Variants in AFG2A observed in about 807,000 individuals in gnomAD.
The protein encoded by AFG2A is AAA ATPase AFG2A.
At chr4:122,927,588 C>A in the AFG2A span, 1 of 1,566,686 alleles carries the variant, frequency 6.4e-7, no homozygotes, top group Non-Finnish European at 8.7e-7. Flanking sequence ...CATGCCTTAA[C>A]TTCTGTTACA....
chr4:123,296,525 C>A, the AFG2A span, among the ~76,000 whole-genome samples: 1 of 152,060 alleles, frequency 6.6e-6, no homozygotes, highest in Non-Finnish European at 1.5e-5. Context: ...TTTAATGTGG[C>A]ATAAAAGTGT....
At chr4:123,227,686 G>T in the AFG2A span, among the ~76,000 whole-genome samples, 16,792 of 151,996 alleles carry the variant, frequency 0.11, 3,134 homozygotes, top group African/African-American at 0.38. Context: ...ATGTATATTC[G>T]GTTGATTTGA....
At chr4:123,224,841 C>CAT in the AFG2A span, among the ~76,000 whole-genome samples, 3 of 152,034 alleles carry the variant, frequency 2.0e-5, no homozygotes, top group Non-Finnish European at 2.9e-5. Flanking sequence ...TGTAAAAGTG[C>CAT]TCCTATTTCT....
the AFG2A span, among the ~76,000 whole-genome samples, chr4:122,984,335 T>C: frequency 6.6e-6 from 1 of 152,144 alleles, no homozygotes. Context: ...CTTTCAACAG[T>C]TCTAGGAGCT....
the AFG2A span, among the ~76,000 whole-genome samples, chr4:123,060,553 C>T: frequency 6.6e-6 from 1 of 152,196 alleles, no homozygotes; most frequent in Admixed American, 6.5e-5. Flanking sequence ...TGTACCTTGA[C>T]CCCTTTTAGC....
At chr4:123,275,594 C>G in the AFG2A span, among the ~76,000 whole-genome samples, 6 of 152,138 alleles carry the variant, frequency 3.9e-5, no homozygotes, top group African/African-American at 1.4e-4. Flanking sequence ...TTTCATCATG[C>G]AGGTAATAAT....
At chr4:123,314,858 C>G in the AFG2A span, 8 of 151,002 alleles carry the variant, frequency 5.3e-5, no homozygotes, top group African/African-American at 2.0e-4. Flanking sequence ...TGAGTTCAAG[C>G]AATTCTCCTG....
the AFG2A span, among the ~76,000 whole-genome samples, chr4:123,286,286 T>C: frequency 6.6e-6 from 1 of 152,238 alleles, no homozygotes; most frequent in Non-Finnish European, 1.5e-5. Flanking sequence ...TTTGTCACTC[T>C]AAAACTTGAA....
chr4:123,302,918 G>T, the AFG2A span, among the ~76,000 whole-genome samples: 1 of 152,164 alleles, frequency 6.6e-6, no homozygotes, highest in Non-Finnish European at 1.5e-5. Context: ...CTTGTTCCAT[G>T]AAAGCAAGAC....
the AFG2A span, among the ~76,000 whole-genome samples, chr4:123,133,049 G>T: frequency 1.3e-5 from 2 of 152,170 alleles, no homozygotes; most frequent in East Asian, 1.9e-4. Context: ...CAAAGTGCTG[G>T]GATTACAGGC....
At chr4:123,188,768 T>C in the AFG2A span, among the ~76,000 whole-genome samples, 2 of 152,236 alleles carry the variant, frequency 1.3e-5, no homozygotes, top group African/African-American at 4.8e-5. Context: ...CATAAAAGGA[T>C]AGAATCATGA....
chr4:122,932,459 C>G, the AFG2A span, among the ~76,000 whole-genome samples: 1 of 152,070 alleles, frequency 6.6e-6, no homozygotes, highest in Non-Finnish European at 1.5e-5. Flanking sequence ...TCCCAAAGTG[C>G]TGGGATTACA....
At chr4:123,017,742 A>G in the AFG2A span, among the ~76,000 whole-genome samples, 8 of 152,060 alleles carry the variant, frequency 5.3e-5, no homozygotes, top group African/African-American at 1.2e-4. Flanking sequence ...TGCCAGCCCA[A>G]TTGTGACTGC....
the AFG2A span, among the ~76,000 whole-genome samples, chr4:123,109,798 G>A: frequency 3.3e-5 from 5 of 152,040 alleles, no homozygotes; most frequent in African/African-American, 1.2e-4. Context: ...TTTTGAGCAA[G>A]GATTTTTGTC....
the AFG2A span, among the ~76,000 whole-genome samples, chr4:123,271,535 C>T: frequency 2.0e-5 from 3 of 152,164 alleles, no homozygotes; most frequent in Non-Finnish European, 2.9e-5. Context: ...GATATTGTCC[C>T]TAGACTAAGG....
chr4:123,083,926 G>GA, the AFG2A span, among the ~76,000 whole-genome samples: 2 of 152,046 alleles, frequency 1.3e-5, no homozygotes, highest in Non-Finnish European at 2.9e-5. Flanking sequence ...AATTCACCAG[G>GA]AAACGATCTG....
chr4:123,039,275 A>G, the AFG2A span, among the ~76,000 whole-genome samples: 1 of 152,114 alleles, frequency 6.6e-6, no homozygotes, highest in Non-Finnish European at 1.5e-5. Flanking sequence ...TTTGCAGACA[A>G]TTGCTGTAAG....
chr4:122,981,975 A>G, the AFG2A span, among the ~76,000 whole-genome samples: 977 of 151,390 alleles, frequency 6.5e-3, 14 homozygotes, highest in African/African-American at 0.022. Flanking sequence ...CTTCTTTTTC[A>G]ATTCGGATGC....
the AFG2A span, among the ~76,000 whole-genome samples, chr4:123,203,579 G>A: frequency 6.6e-6 from 1 of 152,192 alleles, no homozygotes; most frequent in Non-Finnish European, 1.5e-5. Context: ...CGCCCAGCCA[G>A]TTGTACCTTT....
Sources: allele counts gnomAD v4.1 joint callset (sites outside exome capture counted in the v4.1 genomes callset), GRCh38; gene constraint gnomAD v4.1.1; transcripts MANE v1.5; gene names NCBI Gene and HGNC (gene_info 2026-07-23, HGNC 2026-07-21).